The following PDXK variants were observed in gnomAD, a reference collection of about 807,000 sequenced individuals.
PDXK encodes epididymis secretory sperm binding protein Li 1a.
Under a neutral mutation model 43.2 loss-of-function variants are expected in PDXK, and 15 were observed. The observed-to-expected ratio is 0.35, with a 90% CI of 0.23 to 0.53. The LOEUF (loss-of-function observed/expected upper bound fraction) is 0.53. Among genes scored for constraint, PDXK ranks in the 20% least tolerant of loss-of-function variants. The pLI is 0.92. For missense variants in PDXK, 343 were observed against 417.0 expected (o/e 0.82, Z 1.54); for synonymous variants, 172 against 165.4 (o/e 1.04, Z -0.31).
intron 1 of PDXK, chr21:43,733,850 A>C (rs2083360411): frequency 1.5e-6 from 1 of 660,218 alleles, no homozygotes; most frequent in Non-Finnish European, 2.5e-6. Flanking sequence ...CCAGAGAGGG[A>C]AGCCCAGCTC....
chr21:43,750,962 A>ATAGGTGTG (rs36141783), intron 7 of PDXK, among the ~76,000 whole-genome samples: 1 of 150,624 alleles, frequency 6.6e-6, no homozygotes, highest in Non-Finnish European at 1.5e-5. Flanking sequence ...ATGTGTGTGC[A>ATAGGTGTG]TGTGTGTGTG....
intron 1 of PDXK, chr21:43,719,944 G>T: frequency 2.0e-6 from 2 of 984,950 alleles, no homozygotes; most frequent in Non-Finnish European, 2.4e-6. Context: ...ACGCCAGGAG[G>T]TGGCCGAAGG....
At chr21:43,719,517 G>A in intron 1 of PDXK, 136 bp downstream of exon 1, 1 of 1,330,574 alleles carries the variant, frequency 7.5e-7, no homozygotes, top group Non-Finnish European at 9.8e-7. Flanking sequence ...CCTGGAGGCA[G>A]GCGCGGGATG....
chr21:43,740,198 C>T lies in PDXK; in HGVS notation c.143-1469C>T, dbSNP rs533693885. Among the ~76,000 whole-genome samples, 56 of 152,186 alleles carry T rather than the reference C, an allele frequency of 3.7e-4. 1 individual carries two copies. Among genetic ancestry groups the T allele is most frequent in the Admixed American group, 2.4e-3 (37 of 15,290 alleles). ...GCAGTCTCAGGACCTTTGCGCCACA[C>T]GTCCTCCCGTGCGACGGCTGCTGGG... On this transcript the variant is annotated intron_variant, in intron 2 of 10. Coordinates refer to ENST00000291565, the MANE Select transcript of PDXK (RefSeq NM_003681.5).
chr21:43,725,400 C>A (rs2083244227), intron 1 of PDXK, among the ~76,000 whole-genome samples: 1 of 152,174 alleles, frequency 6.6e-6, no homozygotes. Flanking sequence ...AAAGAGTCTT[C>A]TTTGCCTTCA....
rs1397432420 is a variant in PDXK, at chr21:43,739,778, C to T, written c.143-1889C>T. 1.3e-5 allele frequency among the ~76,000 whole-genome samples: 2 copies of T among 151,746 alleles called. 1 individual carries two copies. Among genetic ancestry groups the T allele is most frequent in the Non-Finnish European group, 2.9e-5 (2 of 67,874 alleles). Reference sequence around the variant, plus strand: ...GGACACAGCCAGGCCATGTCACCTCCCCAGGAAAGGAGCACATGTGCAGCA... The same window carrying T: ...GGACACAGCCAGGCCATGTCACCTCTCCAGGAAAGGAGCACATGTGCAGCA... On this transcript the variant is annotated intron_variant, in intron 2 of 10. Coordinates refer to ENST00000291565, the MANE Select transcript of PDXK (RefSeq NM_003681.5).
chr21:43,742,151 A>T (rs926058955), intron 3 of PDXK, among the ~76,000 whole-genome samples: 11 of 151,080 alleles, frequency 7.3e-5, no homozygotes, highest in African/African-American at 2.2e-4. Context: ...CTTTCTGGTT[A>T]AAAAAAAATT....
At chr21:43,720,891 T>C (rs975268092) in intron 1 of PDXK, among the ~76,000 whole-genome samples, 7 of 152,186 alleles carry the variant, frequency 4.6e-5, no homozygotes, top group African/African-American at 1.7e-4. Context: ...CCTACTTCAT[T>C]GGGCAAACTG....
Position 43,755,843 on chromosome 21 carries a change from G to A in PDXK, c.826+79G>A, listed in dbSNP as rs570029505. 344 of 1,475,212 alleles carry A rather than the reference G, an allele frequency of 2.3e-4. 1 individual carries two copies. The highest frequency in any genetic ancestry group is 1.9e-3 in the South Asian group (170 of 88,420). 91.4% of individuals were successfully genotyped at this position (1,475,212 alleles called of 1,614,324 possible). On this transcript the variant is annotated intron_variant, in intron 10 of 10. Coordinates refer to ENST00000291565, the MANE Select transcript of PDXK (RefSeq NM_003681.5). ...GGGAGAGAAGAGCTGGCACGTGCTG[G>A]TTTTGAAGGTGTGATCGGTGTCTCC...
Position 43,737,234 on chromosome 21 carries a change from G to A in PDXK, c.142+3111G>A. On this transcript the variant is annotated intron_variant, in intron 2 of 10. Transcript: ENST00000291565. The surrounding 1 kb of genome is among the most constrained non-coding windows in gnomAD (Gnocchi z 4.8). ...GTTCCCTGACGCCCTTCAGGCTGGG[G>A]GGTGGGAAAGCCGATCCCCCAAGTG... 9.8e-6 allele frequency: 14 copies of A among 1,429,024 alleles called. No individual in the cohort carries two copies. Among genetic ancestry groups the A allele is most frequent in the Non-Finnish European group, 1.3e-5 (14 of 1,095,018 alleles). 88.5% of individuals were successfully genotyped at this position (1,429,024 alleles called of 1,614,324 possible). A position where few individuals can be genotyped will look rare whatever the true frequency, so the allele number is the denominator to read the frequency against.
At chr21:43,750,911 CAT>C (rs1568991081) in intron 7 of PDXK, among the ~76,000 whole-genome samples, 3 of 64,564 alleles carry the variant, frequency 4.6e-5, no homozygotes, top group African/African-American at 1.6e-4. Flanking sequence ...GGTGTGCACG[CAT>C]GTGTGCATGT....
intron 2 of PDXK, chr21:43,740,906 TG>T (rs544330066): frequency 6.8e-6 from 1 of 147,826 alleles, no homozygotes; most frequent in East Asian, 2.0e-4. Context: ...CAGTGGCCGG[TG>T]GCCGAGCACC....
chr21:43,755,808 C>T (rs763572157), intron 10 of PDXK, 44 bp downstream of exon 10: 21 of 1,566,524 alleles, frequency 1.3e-5, no homozygotes, highest in Admixed American at 1.7e-5. Flanking sequence ...TCCTGGCTCC[C>T]GAAGTGGGTG....
chr21:43,753,810 G>C, intron 9 of PDXK, 91 bp downstream of exon 9: 1 of 1,412,854 alleles, frequency 7.1e-7, no homozygotes, highest in Non-Finnish European at 9.6e-7. Flanking sequence ...GGTCCCTGCT[G>C]AGCTGACAGG....
chr21:43,752,664 G>C (rs2083774602), intron 8 of PDXK, 35 bp downstream of exon 8: 1 of 1,273,122 alleles, frequency 7.9e-7, no homozygotes, highest in East Asian at 2.3e-5. Context: ...GGCCGCCTCT[G>C]CTCTTCCCAG....
intron 3 of PDXK, among the ~76,000 whole-genome samples, chr21:43,742,974 C>G (rs192145453): frequency 6.6e-6 from 1 of 152,276 alleles, no homozygotes; most frequent in East Asian, 1.9e-4. Context: ...TCCTGTGAAG[C>G]ACAGCGTTTC....
rs529761693 is a variant in PDXK, at chr21:43,754,799, C to T, written c.760-899C>T. 4.2e-4 allele frequency among the ~76,000 whole-genome samples: 64 copies of T among 152,254 alleles called. No individual in the cohort carries two copies. The highest frequency in any genetic ancestry group is 1.5e-3 in the African/African-American group (62 of 41,550). On this transcript the variant is annotated intron_variant, in intron 9 of 10. Transcript: ENST00000291565. This position sits in a 1 kb window ranked among gnomAD's most constrained non-coding sequence, Gnocchi z 5.5. ...GTGGCTCTCCCTGTGCTGTCTTTGCCGGGCCGCTTAAGGGGCCACGTGTCC... is the reference window on the plus strand; with the variant it reads ...GTGGCTCTCCCTGTGCTGTCTTTGCTGGGCCGCTTAAGGGGCCACGTGTCC...
rs1199691523 is a variant in PDXK, at chr21:43,752,106, T to C, written c.511-412T>C. Among the ~76,000 whole-genome samples, 4 of 150,238 alleles carry C rather than the reference T, an allele frequency of 2.7e-5. No individual in the cohort carries two copies. In the East Asian group the frequency reaches 7.8e-4, roughly 29 times the overall value. On this transcript the variant is annotated intron_variant, in intron 7 of 10. Transcript: ENST00000291565. ...GCTGGGTGGCGATGCAGCACATGTGTGTGTGTGTGTGTGTGTGTGTGCGCG... is the reference window on the plus strand; with the variant it reads ...GCTGGGTGGCGATGCAGCACATGTGCGTGTGTGTGTGTGTGTGTGTGCGCG...
intron 1 of PDXK, among the ~76,000 whole-genome samples, chr21:43,721,391 A>G (rs2083205274): frequency 6.6e-6 from 1 of 152,286 alleles, no homozygotes; most frequent in Non-Finnish European, 1.5e-5. Context: ...ATGTGAGGAA[A>G]GAAAACTTAG....
Sources: gnomAD v4.1 joint callset for allele counts (sites outside exome capture counted in the v4.1 genomes callset) on GRCh38, gnomAD v4.1.1 for gene constraint, Gnocchi (gnomAD v3.1) non-coding constraint, MANE v1.5 for transcripts, NCBI Gene and HGNC (gene_info 2026-07-23, HGNC 2026-07-21) for gene names.